Variants in TRPC4AP observed in about 807,000 individuals in gnomAD.
TRPC4AP encodes the protein transient receptor potential cation channel subfamily C member 4 associated protein.
Under a neutral mutation model 99.0 loss-of-function variants are expected in TRPC4AP, and 45 were observed. That is an observed-to-expected ratio of 0.45 (90% CI 0.36 to 0.58). TRPC4AP has a LOEUF of 0.58. Ranked by LOEUF, TRPC4AP falls within the 20% of genes least tolerant of loss-of-function variation. TRPC4AP has a pLI of 0.00. For synonymous variants in TRPC4AP, 408 were observed against 385.8 expected, an observed-to-expected ratio of 1.06 and a Z score of -0.67; for missense variants, 879 against 985.3, an observed-to-expected ratio of 0.89 and a Z score of 1.44.
intron 2 of TRPC4AP, among the ~76,000 whole-genome samples, chr20:35,076,206 T>A (rs1470994682): frequency 6.6e-6 from 1 of 151,228 alleles, no homozygotes; most frequent in Non-Finnish European, 1.5e-5. Flanking sequence ...GGTTCAAACA[T>A]CCTCCTTTAG....
At chr20:35,056,266 A>G (rs572084798) in intron 4 of TRPC4AP, among the ~76,000 whole-genome samples, 4 of 152,282 alleles carry the variant, frequency 2.6e-5, no homozygotes, top group South Asian at 4.1e-4. Flanking sequence ...CCATTTTTAA[A>G]AGGAATTGGG....
intron 1 of TRPC4AP, among the ~76,000 whole-genome samples, chr20:35,080,650 T>C (rs1037394815): frequency 6.6e-6 from 1 of 151,750 alleles, no homozygotes; most frequent in Non-Finnish European, 1.5e-5. Flanking sequence ...GAAAGATCAC[T>C]GGTTGGCAAA....
At chr20:35,063,597 G>A (rs2084063589) in intron 3 of TRPC4AP, among the ~76,000 whole-genome samples, 1 of 151,970 alleles carries the variant, frequency 6.6e-6, no homozygotes, top group Non-Finnish European at 1.5e-5. Context: ...GGTGGCTCGT[G>A]CCTATAATCC....
chr20:35,005,829 G>C, intron 15 of TRPC4AP, 26 bp from the exon 16 acceptor site: 1 of 1,607,310 alleles, frequency 6.2e-7, no homozygotes, highest in Non-Finnish European at 8.5e-7. Flanking sequence ...GCTCACAGCA[G>C]GCAGTGGGCT....
intron 9 of TRPC4AP, among the ~76,000 whole-genome samples, chr20:35,018,844 T>C (rs1490161398): frequency 6.6e-6 from 1 of 152,062 alleles, no homozygotes; most frequent in African/African-American, 2.4e-5. Flanking sequence ...GTTCACAAGA[T>C]AGCTCTGTGA....
chr20:35,090,656 G>A (rs2085033401), intron 1 of TRPC4AP, among the ~76,000 whole-genome samples: 2 of 152,174 alleles, frequency 1.3e-5, no homozygotes, highest in African/African-American at 2.4e-5. Context: ...TTACAGGAAT[G>A]AGCCACTGTG....
At chr20:35,024,838 A>AC (rs2082984963) in intron 8 of TRPC4AP, among the ~76,000 whole-genome samples, 1 of 120,724 alleles carries the variant, frequency 8.3e-6, no homozygotes, top group Non-Finnish European at 1.8e-5. Context: ...AAAAAAAAAA[A>AC]AAAAAAAAAA....
intron 3 of TRPC4AP, among the ~76,000 whole-genome samples, chr20:35,060,647 G>C (rs1363475026): frequency 1.4e-5 from 2 of 144,778 alleles, no homozygotes; most frequent in Non-Finnish European, 3.0e-5. Context: ...CTATGACAAA[G>C]TGGAATTTAT....
chr20:35,056,634 G>C (rs1368030108), intron 4 of TRPC4AP, among the ~76,000 whole-genome samples: 1 of 151,934 alleles, frequency 6.6e-6, no homozygotes, highest in Non-Finnish European at 1.5e-5. Context: ...ATTAACTGAA[G>C]TCATCTCTGG....
chr20:35,032,941 G>C (rs375210165), intron 8 of TRPC4AP, among the ~76,000 whole-genome samples: 1 of 151,992 alleles, frequency 6.6e-6, no homozygotes, highest in Non-Finnish European at 1.5e-5. Flanking sequence ...GGTAGCTCAC[G>C]CCTGTAATCC....
chr20:35,004,979 C>G lies in TRPC4AP; in HGVS notation c.1937-409G>C, dbSNP rs2082487076. On this transcript the variant is annotated intron_variant, in intron 16 of 18. Coordinates refer to ENST00000252015, the MANE Select transcript of TRPC4AP (RefSeq NM_015638.3). ...TCCTAGCGCAACTGGTTTTCCACAC[C>G]AGCTCTCAGGTGAGTCCGGCCCAGT... is the stretch of plus-strand genomic sequence containing the variant. Among the ~76,000 whole-genome samples the G allele has an allele frequency of 2.0e-5, 3 of 152,284 alleles. No individual in the cohort carries two copies. The South Asian group carries it at 6.2e-4, about 32-fold the overall frequency.
chr20:35,006,107 A>C (rs1279102504), intron 15 of TRPC4AP, among the ~76,000 whole-genome samples: 1 of 152,110 alleles, frequency 6.6e-6, no homozygotes, highest in Non-Finnish European at 1.5e-5. Flanking sequence ...TCTGTCACAC[A>C]CACTCGGTGA....
chr20:35,073,767 G>C (rs527508872), intron 2 of TRPC4AP, among the ~76,000 whole-genome samples: 7 of 152,300 alleles, frequency 4.6e-5, no homozygotes, highest in Admixed American at 1.3e-4. Context: ...TTGGTATCAG[G>C]ATGATGCTGG....
Position 35,044,644 on chromosome 20 carries a change from G to A in TRPC4AP, c.726C>T (p.Leu242=), listed in dbSNP as rs202043337. 124 of 1,614,130 alleles carry A rather than the reference G, an allele frequency of 7.7e-5. No homozygotes were observed. The East Asian group carries it at 7.8e-4, about 10-fold the overall frequency. Residue 242 remains leucine, a synonymous_variant, in exon 7 of 19, where the codon CTC becomes CTT. Transcript: ENST00000252015. ...SLVSNFDQQQ[L]ANFCRILAVT... is the part of the protein sequence containing the mutation. ...CAGCCAGAATCCGGCAGAAATTAGC[G>A]AGCTGCTGCTGATCGAAATTGGATA...
At chr20:35,078,315 C>T (rs2084539372) in intron 1 of TRPC4AP, 141 bp from the exon 2 acceptor site, 1 of 821,418 alleles carries the variant, frequency 1.2e-6, no homozygotes, top group Non-Finnish European at 1.8e-6. Flanking sequence ...AAGCCTCTTT[C>T]TATAAATCTT....
At chr20:35,049,675 C>G (rs975765956) in intron 6 of TRPC4AP, among the ~76,000 whole-genome samples, 191 bp downstream of exon 6, 3 of 152,126 alleles carry the variant, frequency 2.0e-5, no homozygotes, top group Admixed American at 6.6e-5. Flanking sequence ...CAATGTATGT[C>G]TGTTTAGGTT....
intron 8 of TRPC4AP, among the ~76,000 whole-genome samples, chr20:35,030,851 T>C (rs1396164420): frequency 6.6e-6 from 1 of 151,298 alleles, no homozygotes; most frequent in African/African-American, 2.4e-5. Flanking sequence ...CAGAATTACC[T>C]TTACTTAAGG....
intron 9 of TRPC4AP, among the ~76,000 whole-genome samples, chr20:35,019,179 G>C (rs1214282595): frequency 6.6e-6 from 1 of 152,198 alleles, no homozygotes; most frequent in Non-Finnish European, 1.5e-5. Context: ...ACCCAGTGTA[G>C]GCAGGATCTG....
chr20:35,043,568 GTAGTCCTCCCT>G (rs1386298083), intron 7 of TRPC4AP, among the ~76,000 whole-genome samples: 2 of 152,052 alleles, frequency 1.3e-5, no homozygotes, highest in African/African-American at 4.8e-5. Context: ...ATCTTGTACA[GTAGTCCTCCCT>G]TAGTCAAGAC....
Sources: gnomAD v4.1 joint callset for allele counts (sites outside exome capture counted in the v4.1 genomes callset) on GRCh38, gnomAD v4.1.1 for gene constraint, MANE v1.5 for transcripts, NCBI Gene and HGNC (gene_info 2026-07-23, HGNC 2026-07-21) for gene names.